The following IQSEC3 variants were observed in gnomAD, a reference collection of about 807,000 sequenced individuals.
IQSEC3 encodes IQ motif and SEC7 domain-containing protein 3.
In IQSEC3, 50 loss-of-function variants were observed where a neutral mutation model predicts 105.4. That is an observed-to-expected ratio of 0.47 (90% CI 0.38 to 0.60). The LOEUF is 0.60. Among genes scored for constraint, IQSEC3 ranks in the 20% least tolerant of loss-of-function variants. The pLI is 0.00. For missense variants in IQSEC3, 1,415 were observed against 1,630.0 expected, an observed-to-expected ratio of 0.87 and a Z score of 2.27; for synonymous variants, 708 against 746.0, an observed-to-expected ratio of 0.95 and a Z score of 0.83.
At chr12:159,237 C>T (rs1255934765) in intron 7 of IQSEC3, among the ~76,000 whole-genome samples, 3 of 152,216 alleles carry the variant, frequency 2.0e-5, no homozygotes, top group Non-Finnish European at 4.4e-5. Context: ...CCCTACGTAT[C>T]AAGCTCCTCT....
chr12:133,445 G>A (rs1215633096), intron 3 of IQSEC3, among the ~76,000 whole-genome samples: 1 of 152,346 alleles, frequency 6.6e-6, no homozygotes, highest in East Asian at 1.9e-4. Context: ...AAGGAGCCAG[G>A]AGGGAGGCTG....
chr12:121,546 A>G (rs528878609), intron 2 of IQSEC3, among the ~76,000 whole-genome samples: 1 of 152,274 alleles, frequency 6.6e-6, no homozygotes, highest in East Asian at 1.9e-4. Context: ...CCCAAGACCA[A>G]GGCCCTTTCG....
In IQSEC3 at chr12:139,056, G is replaced by A. The variant is rs1327340097; in HGVS notation, c.1693G>A (p.Gly565Arg). The A allele has an allele frequency of 6.1e-6, 9 of 1,484,616 alleles. 1 individual carries two copies. The Admixed American group carries it at 1.7e-4, about 28-fold the overall frequency. The allele number at this position is 1,484,616 out of a possible 1,614,324, so 92.0% of individuals were successfully genotyped here. A position where few individuals can be genotyped will look rare whatever the true frequency, so the allele number is the denominator to read the frequency against. ...AEAAASGAAD[G>R]ATAPKTEEEE... ...GGCTGCGGCTAGTGGGGCGGCGGAT[G>A]GGGCCACAGCCCCCAAAACAGAGGA... is the stretch of plus-strand genomic sequence containing the variant. Residue 565 changes from glycine to arginine, a missense_variant, in exon 4 of 14, where the codon GGG becomes AGG. This residue lies in a region of IQSEC3 where 720 missense variants were observed against 633.0 expected (regional missense o/e 1.14). Transcript: ENST00000538872.
intron 7 of IQSEC3, among the ~76,000 whole-genome samples, chr12:160,351 T>C (rs529142793): frequency 1.4e-4 from 22 of 152,310 alleles, no homozygotes; most frequent in African/African-American, 5.1e-4. Context: ...GGTGATTTAC[T>C]TAAGGCATTT....
chr12:78,114 C>T (rs1555069772), intron 1 of IQSEC3, among the ~76,000 whole-genome samples: 2 of 150,962 alleles, frequency 1.3e-5, no homozygotes, highest in African/African-American at 4.8e-5. Flanking sequence ...GGCCCGGGCG[C>T]CCCCGCCTCC....
At chr12:143,826 C>T (rs1342958241) in intron 5 of IQSEC3, 10 of 147,442 alleles carry the variant, frequency 6.8e-5, no homozygotes, top group South Asian at 4.0e-4. Context: ...GCTGGGCACC[C>T]GTGTGTGTGT....
chr12:127,105 G>C (rs1045293875), intron 3 of IQSEC3, among the ~76,000 whole-genome samples: 2 of 152,222 alleles, frequency 1.3e-5, no homozygotes, highest in Non-Finnish European at 1.5e-5. Flanking sequence ...TGGACATGCT[G>C]TCCAGGTCAC....
chr12:80,783 C>T (rs561963394), intron 1 of IQSEC3, among the ~76,000 whole-genome samples: 6 of 152,316 alleles, frequency 3.9e-5, no homozygotes, highest in African/African-American at 1.4e-4. Context: ...AAGGAATCTG[C>T]ACTTTCAAAC....
At position 152,116 on chromosome 12, in the gene IQSEC3, G is replaced by A. The variant is rs1555092830; in HGVS notation, c.2154-4909G>A. Among the ~76,000 whole-genome samples, 1 of 151,898 alleles carries A rather than the reference G, an allele frequency of 6.6e-6. No individual in the cohort carries two copies. The highest frequency in any genetic ancestry group is 2.4e-5 in the African/African-American group (1 of 41,344). ...TCCCGAGCACAGCCTTGCACACGGG[G>A]CCACTCAGTGCTCGTTGCTGAAAGA... On this transcript the variant is annotated intron_variant, in intron 5 of 13. Transcript: ENST00000538872. The surrounding 1 kb of genome is among the most constrained non-coding windows in gnomAD (Gnocchi z 4.8).
At chr12:119,810 C>T (rs1460775451) in intron 2 of IQSEC3, among the ~76,000 whole-genome samples, 1 of 152,180 alleles carries the variant, frequency 6.6e-6, no homozygotes, top group African/African-American at 2.4e-5. Context: ...AAGGATGTGA[C>T]TTTGGGCCAG....
At chr12:165,973 C>T (rs1451906691) in intron 11 of IQSEC3, 83 bp downstream of exon 11, 2 of 1,492,360 alleles carry the variant, frequency 1.3e-6, no homozygotes, top group Non-Finnish European at 1.8e-6. Flanking sequence ...ACATGCCTGA[C>T]TCCAGGGAGC....
chr12:153,769 T>C (rs1565439720), intron 5 of IQSEC3, among the ~76,000 whole-genome samples: 1 of 152,124 alleles, frequency 6.6e-6, no homozygotes, highest in Non-Finnish European at 1.5e-5. Flanking sequence ...TGGGGACACA[T>C]GCCCCTAAGG....
intron 1 of IQSEC3, among the ~76,000 whole-genome samples, chr12:96,529 A>AAG (rs1170043161): frequency 8.5e-5 from 13 of 152,192 alleles, no homozygotes; most frequent in Non-Finnish European, 1.5e-4. Flanking sequence ...TTGCAGGGCC[A>AAG]ATATATATAA....
intron 5 of IQSEC3, among the ~76,000 whole-genome samples, chr12:156,438 C>G (rs1342797618): frequency 6.6e-6 from 1 of 152,172 alleles, no homozygotes; most frequent in Non-Finnish European, 1.5e-5. Flanking sequence ...CCCATCACAG[C>G]CTCCCCTGAG....
At chr12:92,939 G>T (rs1555073852) in intron 1 of IQSEC3, among the ~76,000 whole-genome samples, 1 of 152,234 alleles carries the variant, frequency 6.6e-6, no homozygotes, top group South Asian at 2.1e-4. Context: ...ATCTGAGGAA[G>T]AAATACTTCC....
At chr12:125,479 G>A (rs1555082935) in intron 2 of IQSEC3, among the ~76,000 whole-genome samples, 154 bp from the exon 3 acceptor site, 2 of 152,232 alleles carry the variant, frequency 1.3e-5, no homozygotes, top group South Asian at 2.1e-4. Flanking sequence ...TGCCATGGTA[G>A]CCCCTCCCTA....
rs560708891 is a variant in IQSEC3 at position 105,485 on chromosome 12, T to C, written c.623+6271T>C. Among the ~76,000 whole-genome samples the C allele has an allele frequency of 3.9e-5, 6 of 152,186 alleles. No individual in the cohort carries two copies. In the East Asian group the frequency reaches 7.7e-4, roughly 20 times the overall value. ...TGCTCCTGGGTGATCTGAGGAGCTG[T>C]GTAGTTAGAGCAGAATCCAGCCGAC... On this transcript the variant is annotated intron_variant, in intron 2 of 13. Transcript: ENST00000538872.
intron 2 of IQSEC3, among the ~76,000 whole-genome samples, chr12:116,463 C>T (rs1865052902): frequency 6.6e-6 from 1 of 152,230 alleles, no homozygotes; most frequent in African/African-American, 2.4e-5. Flanking sequence ...TTTTGTGGTT[C>T]CTGATGGTCA....
chr12:122,139 AG>A (rs1555082056), intron 2 of IQSEC3, among the ~76,000 whole-genome samples: 1 of 152,148 alleles, frequency 6.6e-6, no homozygotes, highest in African/African-American at 2.4e-5. Context: ...TATACCTGAG[AG>A]GGCCCCAGTC....
Sources: gnomAD v4.1 joint callset for allele counts (sites outside exome capture counted in the v4.1 genomes callset) on GRCh38, gnomAD v4.1.1 for gene constraint, gnomAD v4.1.1 regional missense constraint, Gnocchi (gnomAD v3.1) non-coding constraint, MANE v1.5 for transcripts, NCBI Gene and HGNC (gene_info 2026-07-23, HGNC 2026-07-21) for gene names.